The following PPM1B variants were observed in gnomAD, a reference collection of about 807,000 sequenced individuals.
The protein encoded by PPM1B is protein phosphatase, Mg2+/Mn2+ dependent 1B.
A neutral mutation model predicts 43.0 loss-of-function variants in PPM1B; 22 were observed. The ratio of observed to expected loss-of-function variants is 0.51; its 90% confidence interval spans 0.37 to 0.73. PPM1B has a LOEUF of 0.73. Ranked by LOEUF, PPM1B falls within the 30% of genes least tolerant of loss-of-function variation. The pLI is 0.00. For synonymous variants in PPM1B, 217 were observed against 197.9 expected, an observed-to-expected ratio of 1.10 and a Z score of -0.81; for missense variants, 632 against 584.2, an observed-to-expected ratio of 1.08 and a Z score of -0.84.
chr2:44,218,148 C>T (rs1669811918), intron 4 of PPM1B, 70 bp downstream of exon 4: 1 of 1,157,744 alleles, frequency 8.6e-7, no homozygotes. Flanking sequence ...GGTAAAAAAA[C>T]TTAAATCAGA....
At chr2:44,228,943 G>A (rs551515530) in intron 5 of PPM1B, among the ~76,000 whole-genome samples, 1 of 152,082 alleles carries the variant, frequency 6.6e-6, no homozygotes, top group Non-Finnish European at 1.5e-5. Flanking sequence ...AGCACTTTGG[G>A]AGGCCGATGC....
At chr2:44,227,778 C>T (rs1384891302) in intron 5 of PPM1B, among the ~76,000 whole-genome samples, 1 of 151,832 alleles carries the variant, frequency 6.6e-6, no homozygotes, top group Non-Finnish European at 1.5e-5. Context: ...TCTCAGCCTC[C>T]CAAAGTGCTG....
At chr2:44,241,471 C>T (rs1670743062) in intron 5 of PPM1B, among the ~76,000 whole-genome samples, 1 of 143,712 alleles carries the variant, frequency 7.0e-6, no homozygotes, top group Non-Finnish European at 1.6e-5. Context: ...GTGGCTCACA[C>T]CTGTAATCCC....
At chr2:44,222,116 A>AC (rs955390177) in intron 5 of PPM1B, among the ~76,000 whole-genome samples, 3 of 152,080 alleles carry the variant, frequency 2.0e-5, no homozygotes, top group African/African-American at 4.8e-5. Context: ...TTTATATTAG[A>AC]CAGGGCTCTG....
chr2:44,228,811 TTGAC>T lies in PPM1B; in HGVS notation c.1135-1598_1135-1595del, dbSNP rs894333198. ...TATATCTACTGTTTTTTTTCTTTCT[TTGAC>T]TGAACCCTTTGAGAGAAAATTGCAG... On this transcript the variant is annotated intron_variant, in intron 5 of 5. Coordinates refer to ENST00000282412, the MANE Select transcript of PPM1B (RefSeq NM_002706.6). Among the ~76,000 whole-genome samples, 640 of 152,300 alleles carry T rather than the reference TTGAC, an allele frequency of 4.2e-3. 5 individuals carry two copies. Among genetic ancestry groups the T allele is most frequent in the African/African-American group, 0.015 (617 of 41,554 alleles).
chr2:44,177,159 A>G (rs1667619689), intron 1 of PPM1B, among the ~76,000 whole-genome samples: 1 of 152,310 alleles, frequency 6.6e-6, no homozygotes, highest in South Asian at 2.1e-4. Flanking sequence ...AAATTTTGGA[A>G]TATATTAAAT....
intron 1 of PPM1B, among the ~76,000 whole-genome samples, chr2:44,196,051 T>A (rs1465020188): frequency 2.0e-5 from 3 of 152,190 alleles, no homozygotes. Context: ...AAAACCCAAG[T>A]GAGAACTGTC....
chr2:44,204,224 T>C (rs1453118095), intron 2 of PPM1B, among the ~76,000 whole-genome samples: 1 of 152,238 alleles, frequency 6.6e-6, no homozygotes, highest in Non-Finnish European at 1.5e-5. Context: ...TCTGTTTAAC[T>C]TCGTAATTTT....
chr2:44,232,550 T>A, downstream of PPM1B: 2 of 1,409,194 alleles, frequency 1.4e-6, no homozygotes, highest in Non-Finnish European at 1.8e-6. Context: ...TGTACTACAG[T>A]ATTTTTTGCC....
At chr2:44,215,259 G>A (rs1483722276) in intron 3 of PPM1B, among the ~76,000 whole-genome samples, 1 of 152,126 alleles carries the variant, frequency 6.6e-6, no homozygotes, top group African/African-American at 2.4e-5. Context: ...CTTGAGACTA[G>A]GAGTTCAAGA....
chr2:44,230,862 C>G lies in PPM1B; in HGVS notation c.*144C>G. ...CAGATAGCCTTGTTTTTTAAAAAGG[C>G]CTTTGCATACACCTTTATGAGATAG... On this transcript the variant is annotated 3_prime_UTR_variant, in exon 6 of 6. Transcript: ENST00000282412. The G allele has an allele frequency of 1.3e-5, 18 of 1,412,854 alleles. No individual in the cohort carries two copies. Among genetic ancestry groups the G allele is most frequent in the Non-Finnish European group, 1.7e-5 (18 of 1,073,640 alleles). The allele number at this position is 1,412,854 out of a possible 1,614,324, so 87.5% of individuals were successfully genotyped here. A position where few individuals can be genotyped will look rare whatever the true frequency, so the allele number is the denominator to read the frequency against.
chr2:44,230,587 ACTT>A lies in PPM1B; in HGVS notation c.1314_1316del (p.Ser439del), dbSNP rs1198462283. The A allele has an allele frequency of 1.2e-6, 2 of 1,614,092 alleles. No individual in the cohort carries two copies. Among genetic ancestry groups the A allele is most frequent in the Non-Finnish European group, 1.7e-6 (2 of 1,180,032 alleles). On this transcript the variant is annotated inframe_deletion, in exon 6 of 6. Transcript: ENST00000282412. Reference sequence around the variant, plus strand: ...CCCTGCTGAACCAGCTGCCACAGCTACTTCTTCGAACAGTGATGCTGGAAACCC... The same window carrying A: ...CCCTGCTGAACCAGCTGCCACAGCTACTTCGAACAGTGATGCTGGAAACCC...
At chr2:44,219,374 C>G (rs765213954) in intron 5 of PPM1B, among the ~76,000 whole-genome samples, 4 of 152,050 alleles carry the variant, frequency 2.6e-5, no homozygotes, top group Non-Finnish European at 4.4e-5. Flanking sequence ...TCTCCAGCTC[C>G]TCTTGGCAGA....
intron 5 of PPM1B, among the ~76,000 whole-genome samples, chr2:44,241,341 A>G (rs570156309): frequency 6.9e-6 from 1 of 145,188 alleles, no homozygotes; most frequent in South Asian, 2.4e-4. Flanking sequence ...TAAGGCAGCC[A>G]TCATGGCATA....
At chr2:44,242,534 C>A (rs1019314887) in intron 5 of PPM1B, among the ~76,000 whole-genome samples, 1 of 152,068 alleles carries the variant, frequency 6.6e-6, no homozygotes, top group African/African-American at 2.4e-5. Context: ...AATTCAGTGT[C>A]CTAAATTGCC....
rs935275654 is a variant in PPM1B at position 44,231,307 on chromosome 2, C to A, written c.*589C>A. 1 of 979,708 alleles carries A rather than the reference C, an allele frequency of 1.0e-6. No individual in the cohort carries two copies. Among genetic ancestry groups the A allele is most frequent in the East Asian group, 1.1e-4 (1 of 8,792 alleles). The allele number at this position is 979,708 out of a possible 1,614,324, so 60.7% of individuals were successfully genotyped here. On this transcript the variant is annotated 3_prime_UTR_variant, in exon 6 of 6. Coordinates refer to ENST00000282412, the MANE Select transcript of PPM1B (RefSeq NM_002706.6). ...TGGCTATTTTTCCTTTCTCTGTATT[C>A]TTTATGAAACATAACTTTTGAAAAA...
chr2:44,182,076 T>G lies in PPM1B; in HGVS notation c.-15+12802T>G, dbSNP rs575926058. ...ACAAAGTACCTTATTTTGAGAAGCT[T>G]CTTCTTACGACTGATAGTTGGCTAA... On this transcript the variant is annotated intron_variant, in intron 1 of 5. Transcript: ENST00000282412. Among the ~76,000 whole-genome samples the G allele has an allele frequency of 1.8e-4, 28 of 152,198 alleles. 1 individual carries two copies. The highest frequency in any genetic ancestry group is 1.5e-3 in the South Asian group (7 of 4,808).
At chr2:44,229,681 A>G (rs1670383452) in intron 5 of PPM1B, among the ~76,000 whole-genome samples, 1 of 152,182 alleles carries the variant, frequency 6.6e-6, no homozygotes, top group South Asian at 2.1e-4. Context: ...AGAGGCACAT[A>G]CTGTAAAGAT....
chr2:44,190,655 G>T (rs935665360), intron 1 of PPM1B, among the ~76,000 whole-genome samples: 1 of 152,058 alleles, frequency 6.6e-6, no homozygotes, highest in Non-Finnish European at 1.5e-5. Context: ...TCTTTTATTT[G>T]TAAGCGTTAG....
Sources: allele counts gnomAD v4.1 joint callset (sites outside exome capture counted in the v4.1 genomes callset), GRCh38; gene constraint gnomAD v4.1.1; transcripts MANE v1.5; gene names NCBI Gene and HGNC (gene_info 2026-07-23, HGNC 2026-07-21).